The following FNTB variants were observed in gnomAD, a reference collection of about 807,000 sequenced individuals.
The protein encoded by FNTB is farnesyltransferase, CAAX box, subunit beta, also known as protein farnesyltransferase subunit beta.
A neutral mutation model predicts 59.4 loss-of-function variants in FNTB; 27 were observed. The observed-to-expected ratio is 0.45, with a 90% CI of 0.34 to 0.63. The LOEUF is 0.63. FNTB is among the 20% of genes least tolerant of loss of function. The pLI is 0.02. For synonymous variants in FNTB, 230 were observed against 220.7 expected (o/e 1.04, Z -0.37); for missense variants, 449 against 559.6 (o/e 0.80, Z 1.99).
rs987360203 is a variant in FNTB, at chr14:65,011,834, G to A, written c.210-483G>A. Among the ~76,000 whole-genome samples, 1 of 152,210 alleles carries A rather than the reference G, an allele frequency of 6.6e-6. No individual in the cohort carries two copies. The highest frequency in any genetic ancestry group is 2.1e-4 in the South Asian group (1 of 4,828). ...GGGAGAGAATAATAGTTGGATAACC[G>A]AGAGGCAGGCAGGGAGTAAATTATG... On this transcript the variant is annotated intron_variant, in intron 2 of 11. Coordinates refer to ENST00000246166, the MANE Select transcript of FNTB (RefSeq NM_002028.4). The surrounding 1 kb of genome is among the most constrained non-coding windows in gnomAD (Gnocchi z 4.0).
intron 8 of FNTB, among the ~76,000 whole-genome samples, chr14:65,043,379 A>T (rs1303132429): frequency 6.6e-6 from 1 of 152,242 alleles, no homozygotes. Flanking sequence ...AGATTTTCTT[A>T]TATCAGCCAC....
intron 11 of FNTB, among the ~76,000 whole-genome samples, chr14:65,055,707 G>C (rs776066588): frequency 3.6e-4 from 54 of 151,956 alleles, no homozygotes; most frequent in Non-Finnish European, 7.2e-4. Flanking sequence ...AGTAGAGACA[G>C]GGTTTCCCCA....
Position 65,009,608 on chromosome 14 carries a change from C to T in FNTB, c.210-2709C>T, listed in dbSNP as rs546687256. Reference sequence around the variant, plus strand: ...TCACCTCTCCTACTATACCCTCATCCCAGCCCTCCTCCATCCTCTTTACAG... The same window carrying T: ...TCACCTCTCCTACTATACCCTCATCTCAGCCCTCCTCCATCCTCTTTACAG... On this transcript the variant is annotated intron_variant, in intron 2 of 11. Transcript: ENST00000246166. The surrounding 1 kb of genome is among the most constrained non-coding windows in gnomAD (Gnocchi z 4.2). 1.9e-4 allele frequency among the ~76,000 whole-genome samples: 29 copies of T among 152,260 alleles called. No homozygotes were observed. Among genetic ancestry groups the T allele is most frequent in the Middle Eastern group, 3.4e-3 (1 of 294 alleles).
chr14:65,018,113 CAG>C (rs1242977272), intron 4 of FNTB, among the ~76,000 whole-genome samples: 1 of 152,018 alleles, frequency 6.6e-6, no homozygotes, highest in Non-Finnish European at 1.5e-5. Context: ...AGGCCACGGT[CAG>C]AGGACCACTG....
rs372112957 is a variant in FNTB at position 65,030,924 on chromosome 14, C to T, written c.606-1686C>T. 4.6e-5 allele frequency among the ~76,000 whole-genome samples: 7 copies of T among 152,152 alleles called. No homozygotes were observed. Among genetic ancestry groups the T allele is most frequent in the East Asian group, 3.9e-4 (2 of 5,174 alleles). On this transcript the variant is annotated intron_variant, in intron 6 of 11. Transcript: ENST00000246166. This position sits in a 1 kb window ranked among gnomAD's most constrained non-coding sequence, Gnocchi z 4.5. ...TGGGGTTCAAACGATTCTCCTGCCT[C>T]GGTCTCCCAAGTAGCTGGGATTACA...
intron 7 of FNTB, among the ~76,000 whole-genome samples, chr14:65,033,031 A>C (rs565654741): frequency 6.6e-6 from 1 of 152,292 alleles, no homozygotes; most frequent in African/African-American, 2.4e-5. Context: ...TCCCACAGAA[A>C]CCCTTGCACA....
rs1051691875 is a variant in FNTB at position 65,001,341 on chromosome 14, G to A, written c.145-2908G>A. Among the ~76,000 whole-genome samples, 1 of 152,058 alleles carries A rather than the reference G, an allele frequency of 6.6e-6. No homozygotes were observed. Among genetic ancestry groups the A allele is most frequent in the African/African-American group, 2.4e-5 (1 of 41,388 alleles). Reference sequence around the variant, plus strand: ...AAAGGCTTACTATTGTGTTACATTTGCCTACAGTATTCAGTACAGTAATAT... The same window carrying A: ...AAAGGCTTACTATTGTGTTACATTTACCTACAGTATTCAGTACAGTAATAT... On this transcript the variant is annotated intron_variant, in intron 1 of 11. Coordinates refer to ENST00000246166, the MANE Select transcript of FNTB (RefSeq NM_002028.4). This position sits in a 1 kb window ranked among gnomAD's most constrained non-coding sequence, Gnocchi z 5.5.
chr14:64,987,304 C>G, intron 1 of FNTB: 1 of 612,056 alleles, frequency 1.6e-6, no homozygotes, highest in South Asian at 1.9e-5. Context: ...AGGGTCGTTT[C>G]AAGGTTGGGC....
chr14:64,998,940 C>G (rs1200345302), intron 1 of FNTB, among the ~76,000 whole-genome samples: 1 of 107,004 alleles, frequency 9.3e-6, no homozygotes, highest in Non-Finnish European at 2.0e-5. Context: ...TGATAAACTG[C>G]TAAACGAAAT....
intron 7 of FNTB, among the ~76,000 whole-genome samples, chr14:65,035,265 A>G (rs1397171765): frequency 6.6e-6 from 1 of 152,142 alleles, no homozygotes; most frequent in African/African-American, 2.4e-5. Flanking sequence ...CCAGAGAGAA[A>G]AAGTTGTGGG....
chr14:65,034,436 T>G (rs925595460), intron 7 of FNTB, among the ~76,000 whole-genome samples: 2 of 152,246 alleles, frequency 1.3e-5, no homozygotes, highest in Non-Finnish European at 2.9e-5. Context: ...ATCTCACACT[T>G]AATTATTTGG....
At chr14:65,005,930 G>A (rs1316818956) in intron 2 of FNTB, among the ~76,000 whole-genome samples, 1 of 152,134 alleles carries the variant, frequency 6.6e-6, no homozygotes, top group Admixed American at 6.5e-5. Context: ...GCACCTGGCC[G>A]AGAGAACACT....
At chr14:65,015,817 C>T in intron 4 of FNTB, 101 bp downstream of exon 4, 1 of 1,353,738 alleles carries the variant, frequency 7.4e-7, no homozygotes, top group Non-Finnish European at 1.0e-6. Flanking sequence ...TGGAAAAAAA[C>T]AGTGCCACAA....
chr14:65,037,129 G>A (rs1248865771), intron 7 of FNTB, among the ~76,000 whole-genome samples: 4 of 150,184 alleles, frequency 2.7e-5, no homozygotes, highest in Admixed American at 6.6e-5. Context: ...TTGAGACGGA[G>A]TCTTGCTGTT....
chr14:65,054,706 G>T lies in FNTB; in HGVS notation c.1182+17G>T. ...AACGCTCTGGTAAGACGGGTGCAGG[G>T]CTTCACACCCCTTCTCCACAGGGAC... is the stretch of plus-strand genomic sequence containing the variant. On this transcript the variant is annotated intron_variant, in intron 11 of 11. Transcript: ENST00000246166. This position sits in a 1 kb window ranked among gnomAD's most constrained non-coding sequence, Gnocchi z 4.4. 6.3e-7 allele frequency: 1 copy of T among 1,594,076 alleles called. No individual in the cohort carries two copies. Among genetic ancestry groups the T allele is most frequent in the Non-Finnish European group, 8.5e-7 (1 of 1,170,114 alleles).
At chr14:65,026,421 G>C (rs897068996) in intron 4 of FNTB, among the ~76,000 whole-genome samples, 3 of 152,198 alleles carry the variant, frequency 2.0e-5, no homozygotes, top group African/African-American at 7.2e-5. Flanking sequence ...AATTAACGTG[G>C]AGAATTCTCC....
intron 1 of FNTB, among the ~76,000 whole-genome samples, chr14:64,993,838 CTTT>C (rs1198706709): frequency 6.8e-6 from 1 of 147,332 alleles, no homozygotes; most frequent in African/African-American, 2.5e-5. Flanking sequence ...GATTGGATTT[CTTT>C]TTTTTTTTCT....
At chr14:65,041,008 C>T in intron 8 of FNTB, 89 bp downstream of exon 8, 4 of 1,551,842 alleles carry the variant, frequency 2.6e-6, no homozygotes, top group South Asian at 2.4e-5. Flanking sequence ...GAGAGTTTGG[C>T]TATGGGAAGG....
In FNTB at chr14:65,004,270, C is replaced by G. The variant is rs777301110; in HGVS notation, c.166C>G (p.Gln56Glu). 6.2e-7 allele frequency: 1 copy of G among 1,613,374 alleles called. No homozygotes were observed. Among genetic ancestry groups the G allele is most frequent in the Non-Finnish European group, 8.5e-7 (1 of 1,179,604 alleles). Residue 56 changes from glutamine (Q) to glutamate (E), a missense_variant, in exon 2 of 12, where the codon CAA (glutamine) becomes GAA (glutamate). Gln to Glu is a conservative substitution (Grantham distance 29, BLOSUM62 2). Coordinates refer to ENST00000246166, the MANE Select transcript of FNTB (RefSeq NM_002028.4). ...IEQAKVEEKI[Q>E]EVFSSYKFNH... ...CCAGGCAAAAGTAGAAGAAAAGATC[C>G]AAGAGGTCTTCAGTTCTTACAAGTT...
Sources: allele counts gnomAD v4.1 joint callset (sites outside exome capture counted in the v4.1 genomes callset), GRCh38; gene constraint gnomAD v4.1.1; non-coding constraint Gnocchi (gnomAD v3.1); transcripts MANE v1.5; gene names NCBI Gene and HGNC (gene_info 2026-07-23, HGNC 2026-07-21).